Variants in CMSS1 observed in about 807,000 individuals in gnomAD.
CMSS1 encodes cms1 ribosomal small subunit homolog, also known as protein CMSS1.
Under a neutral mutation model 43.5 loss-of-function variants are expected in CMSS1, and 33 were observed. The ratio of observed to expected loss-of-function variants is 0.76; its 90% CI spans 0.57 to 1.01. The LOEUF (loss-of-function observed/expected upper bound fraction) is 1.01, where lower values mean the gene tolerates loss of function less well. Ranked by LOEUF, CMSS1 falls within the 50% of genes least tolerant of loss-of-function variation. The pLI is 0.00. For synonymous variants in CMSS1, 115 were observed against 117.2 expected, an observed-to-expected ratio of 0.98 and a Z score of 0.12; for missense variants, 313 against 326.4, an observed-to-expected ratio of 0.96 and a Z score of 0.32.
chr3:100,109,006 A>G (rs2066441164), intron 1 of CMSS1, among the ~76,000 whole-genome samples: 1 of 151,804 alleles, frequency 6.6e-6, no homozygotes, highest in Non-Finnish European at 1.5e-5. Context: ...GGCTTTTTCA[A>G]TGCAGTTTGA....
chr3:100,077,073 G>A (rs1017055078), intron 1 of CMSS1, among the ~76,000 whole-genome samples: 2 of 152,178 alleles, frequency 1.3e-5, no homozygotes, highest in African/African-American at 2.4e-5. Flanking sequence ...TGCAGATTCC[G>A]GTTAGGTCTC....
intron 1 of CMSS1, among the ~76,000 whole-genome samples, chr3:100,005,012 A>G (rs1249413737): frequency 1.3e-5 from 2 of 152,204 alleles, no homozygotes; most frequent in African/African-American, 4.8e-5. Context: ...CTGGCTCTAC[A>G]AGGCTGTCAT....
At chr3:99,874,001 A>G (rs992826303) in intron 1 of CMSS1, among the ~76,000 whole-genome samples, 9 of 152,240 alleles carry the variant, frequency 5.9e-5, no homozygotes, top group Admixed American at 5.2e-4. Context: ...GAAATTGCTC[A>G]TCCAAAGAGC....
intron 1 of CMSS1, among the ~76,000 whole-genome samples, chr3:99,952,213 A>G (rs972299596): frequency 2.0e-5 from 3 of 151,800 alleles, no homozygotes; most frequent in African/African-American, 7.3e-5. Context: ...GTCAATTTCT[A>G]TTTGAGATCT....
At chr3:100,048,637 A>G (rs2065316949) in intron 1 of CMSS1, among the ~76,000 whole-genome samples, 1 of 152,130 alleles carries the variant, frequency 6.6e-6, no homozygotes, top group Admixed American at 6.5e-5. Flanking sequence ...CCATTTAGAG[A>G]GGGAAAATAA....
Position 99,822,411 on chromosome 3 carries a change from A to G in CMSS1, c.64+4368A>G, listed in dbSNP as rs144413650. Among the ~76,000 whole-genome samples, 698 of 152,364 alleles carry G rather than the reference A, an allele frequency of 4.6e-3. 2 individuals carry two copies. The highest frequency in any genetic ancestry group is 7.0e-3 in the South Asian group (34 of 4,826). Reference sequence around the variant, plus strand: ...CTGAAGTGTTAAGACACTGCTATGTACAGTGCCAGGAGACTGCAGGTAATA... The same window carrying G: ...CTGAAGTGTTAAGACACTGCTATGTGCAGTGCCAGGAGACTGCAGGTAATA... On this transcript the variant is annotated intron_variant, in intron 1 of 9. Transcript: ENST00000421999.
At chr3:99,899,615 G>A (rs1374850145) in intron 1 of CMSS1, among the ~76,000 whole-genome samples, 1 of 152,080 alleles carries the variant, frequency 6.6e-6, no homozygotes, top group Admixed American at 6.5e-5. Context: ...CTATTTCTAG[G>A]ACAAAGTACT....
intron 1 of CMSS1, among the ~76,000 whole-genome samples, chr3:99,997,490 C>T (rs986710967): frequency 6.6e-6 from 1 of 152,086 alleles, no homozygotes; most frequent in Non-Finnish European, 1.5e-5. Context: ...TTTCTGATAC[C>T]CCAGTGGTTC....
intron 1 of CMSS1, among the ~76,000 whole-genome samples, chr3:99,990,045 C>T (rs1709466837): frequency 6.6e-6 from 1 of 152,062 alleles, no homozygotes; most frequent in Admixed American, 6.6e-5. Context: ...CATAAAATGA[C>T]TATTTTTGCA....
At chr3:99,885,850 G>T (rs1293271815) in intron 1 of CMSS1, among the ~76,000 whole-genome samples, 1 of 152,066 alleles carries the variant, frequency 6.6e-6, no homozygotes, top group Non-Finnish European at 1.5e-5. Context: ...AAGAAATGAA[G>T]AACAATACAG....
chr3:99,924,464 T>C, intron 1 of CMSS1: 1 of 1,508,258 alleles, frequency 6.6e-7, no homozygotes, highest in Non-Finnish European at 9.1e-7. Flanking sequence ...CTGTTGTCTT[T>C]CACTCTTTTA....
chr3:99,995,478 G>A (rs1419696505), intron 1 of CMSS1, among the ~76,000 whole-genome samples: 2 of 152,192 alleles, frequency 1.3e-5, no homozygotes, highest in Non-Finnish European at 2.9e-5. Flanking sequence ...CAAGCTGTTG[G>A]TGGATCTTCC....
chr3:100,034,662 GAC>G (rs1355590135), intron 1 of CMSS1, among the ~76,000 whole-genome samples: 1 of 152,180 alleles, frequency 6.6e-6, no homozygotes, highest in African/African-American at 2.4e-5. Context: ...ATTTAGGTAA[GAC>G]AGTGAGTTTA....
intron 1 of CMSS1, among the ~76,000 whole-genome samples, chr3:99,818,614 C>G (rs1487982688): frequency 6.6e-6 from 1 of 152,186 alleles, no homozygotes; most frequent in African/African-American, 2.4e-5. Context: ...TGGTCATCAT[C>G]ATTATCATGG....
chr3:100,033,273 C>A (rs1440353839), intron 1 of CMSS1, among the ~76,000 whole-genome samples: 2 of 152,150 alleles, frequency 1.3e-5, no homozygotes, highest in African/African-American at 4.8e-5. Flanking sequence ...AGGCTGCATC[C>A]TTGAACTATT....
chr3:99,838,872 A>G (rs931093813), intron 1 of CMSS1, among the ~76,000 whole-genome samples: 3 of 152,150 alleles, frequency 2.0e-5, no homozygotes, highest in African/African-American at 7.2e-5. Context: ...TTACCTCACT[A>G]TGCAGAAACC....
intron 2 of CMSS1, among the ~76,000 whole-genome samples, chr3:100,150,284 T>C (rs2066895484): frequency 6.6e-6 from 1 of 152,252 alleles, no homozygotes; most frequent in African/African-American, 2.4e-5. Context: ...GGGGCTCTTA[T>C]TTGGCAGATA....
intron 2 of CMSS1, among the ~76,000 whole-genome samples, chr3:100,148,110 G>A (rs1228177700): frequency 6.6e-6 from 1 of 152,074 alleles, no homozygotes; most frequent in Non-Finnish European, 1.5e-5. Context: ...ATAGGGTCTT[G>A]CTCTGTTGCC....
intron 1 of CMSS1, among the ~76,000 whole-genome samples, chr3:99,823,287 T>G (rs1942475055): frequency 6.6e-6 from 1 of 152,212 alleles, no homozygotes; most frequent in African/African-American, 2.4e-5. Context: ...AGCTCAAAGC[T>G]TAACATATGT....
Sources: gnomAD v4.1 joint callset for allele counts (sites outside exome capture counted in the v4.1 genomes callset) on GRCh38, gnomAD v4.1.1 for gene constraint, MANE v1.5 for transcripts, NCBI Gene and HGNC (gene_info 2026-07-23, HGNC 2026-07-21) for gene names.